The following HSPG2 variants were observed in gnomAD, a reference collection of about 807,000 sequenced individuals.
HSPG2 encodes heparan sulfate proteoglycan 2, also known as basement membrane-specific heparan sulfate proteoglycan core protein.
A neutral mutation model predicts 526.6 loss-of-function variants in HSPG2; 278 were observed. That is an observed-to-expected ratio of 0.53 (90% CI 0.48 to 0.58). The LOEUF (loss-of-function observed/expected upper bound fraction) is 0.58. Ranked by LOEUF, HSPG2 falls within the 20% of genes least tolerant of loss-of-function variation. The pLI is 0.00. For synonymous variants in HSPG2, 2,465 were observed against 2,555.4 expected, an observed-to-expected ratio of 0.96 and a Z score of 1.07; for missense variants, 5,354 against 6,099.5, an observed-to-expected ratio of 0.88 and a Z score of 4.07.
Position 21,859,738 on chromosome 1 carries a change from T to C in HSPG2, c.5183-62A>G. ...ACACTCTTTCTCACATCCAGCCCCA[T>C]GCACAAGGACAGCATCCCACTAGGG... On this transcript the variant is annotated intron_variant, in intron 41 of 96. Coordinates refer to ENST00000374695, the MANE Select transcript of HSPG2 (RefSeq NM_005529.7). This position sits in a 1 kb window ranked among gnomAD's most constrained non-coding sequence, Gnocchi z 5.3. The C allele has an allele frequency of 6.3e-7, 1 of 1,583,796 alleles. No individual in the cohort carries two copies. Among genetic ancestry groups the C allele is most frequent in the Non-Finnish European group, 8.6e-7 (1 of 1,163,104 alleles).
intron 83 of HSPG2, 62 bp from the exon 84 acceptor site, chr1:21,831,386 C>T (rs1359179094): frequency 2.5e-6 from 4 of 1,598,730 alleles, no homozygotes; most frequent in Admixed American, 3.3e-5. Context: ...CCCTGAGGTG[C>T]CCTCCCAGGC....
chr1:21,860,177 T>C lies in HSPG2; in HGVS notation c.5014A>G (p.Thr1672Ala). ...SVQGGQCLPE[T>A]NQAPLVVEVH... ...CATCCTGGGCCATGGTCCCACTTAC[T>C]CTCTGGCAGGCACTGGCCCCCTTGC... Residue 1672 changes from threonine (T) to alanine (A), a missense_variant and splice_region_variant, in exon 40 of 97, where the codon ACA becomes GCA. Transcript: ENST00000374695. 1 of 1,613,770 alleles carries C rather than the reference T, an allele frequency of 6.2e-7. No homozygotes were observed. The highest frequency in any genetic ancestry group is 8.5e-7 in the Non-Finnish European group (1 of 1,179,898).
chr1:21,916,065 G>GAAAAA (rs199842142), intron 1 of HSPG2, among the ~76,000 whole-genome samples: 2 of 81,632 alleles, frequency 2.5e-5, no homozygotes. Flanking sequence ...AAGAAAAGAA[G>GAAAAA]AAGAAGAAAA....
Position 21,895,947 on chromosome 1 carries a change from G to A in HSPG2, c.219C>T (p.Asp73=). 1.2e-6 allele frequency: 2 copies of A among 1,614,058 alleles called. No homozygotes were observed. The highest frequency in any genetic ancestry group is 8.5e-7 in the Non-Finnish European group (1 of 1,179,952). ...CCATCTGGAAGTCCCCGCTGCCCAG[G>A]TCCCCACTGCCCAGGTCGTCTATAA... ...SISGDDLGSG[D]LGSGDFQMVY... The change falls in exon 3 of 97, where the codon GAC becomes GAT. Residue 73 remains aspartate, a synonymous_variant. Coordinates refer to ENST00000374695, the MANE Select transcript of HSPG2 (RefSeq NM_005529.7). The surrounding 1 kb of genome is among the most constrained non-coding windows in gnomAD (Gnocchi z 4.1).
intron 37 of HSPG2, 107 bp downstream of exon 37, chr1:21,863,993 G>A: frequency 3.4e-6 from 3 of 888,678 alleles, no homozygotes; most frequent in South Asian, 1.4e-5. Flanking sequence ...CACAGGCCAT[G>A]CCCCATGATC....
At chr1:21,855,054 G>T in intron 47 of HSPG2, 71 bp from the exon 48 acceptor site, 10 of 1,571,538 alleles carry the variant, frequency 6.4e-6, no homozygotes, top group Non-Finnish European at 7.8e-6. Context: ...GACAGATAGG[G>T]CATAAAAGGG....
At chr1:21,931,289 C>T (rs758427022) in intron 1 of HSPG2, among the ~76,000 whole-genome samples, 5 of 152,248 alleles carry the variant, frequency 3.3e-5, no homozygotes, top group East Asian at 3.8e-4. Context: ...CGGCTCCCCG[C>T]GAAGTGAGTT....
intron 80 of HSPG2, 36 bp downstream of exon 80, chr1:21,833,232 G>T (rs2098012230): frequency 4.5e-6 from 7 of 1,569,128 alleles, no homozygotes. Context: ...CCTCAACCCA[G>T]GCCAGCCCAC....
chr1:21,833,307 A>T lies in HSPG2; in HGVS notation c.11056T>A (p.Phe3686Ile). ...LPTIKDAYRK[F>I]EIKITFRPDS... ...GGCCGGAAGGTGATCTTGATCTCGAACTTCCTGTAGGCATCCTTGATGGTG... is the reference window on the plus strand; with the variant it reads ...GGCCGGAAGGTGATCTTGATCTCGATCTTCCTGTAGGCATCCTTGATGGTG... Residue 3686 changes from phenylalanine (F) to isoleucine (I), a missense_variant, in exon 80 of 97, where the codon TTC becomes ATC. Phe to Ile is a conservative substitution (Grantham distance 21). Transcript: ENST00000374695. 6.2e-7 allele frequency: 1 copy of T among 1,614,112 alleles called. No individual in the cohort carries two copies. Among genetic ancestry groups the T allele is most frequent in the Non-Finnish European group, 8.5e-7 (1 of 1,180,012 alleles).
chr1:21,899,309 A>G (rs979655889), intron 1 of HSPG2, among the ~76,000 whole-genome samples: 10 of 152,222 alleles, frequency 6.6e-5, no homozygotes, highest in African/African-American at 2.2e-4. Flanking sequence ...AGGCTCCCAG[A>G]AAGAGCCAAA....
At chr1:21,830,229 G>A (rs538892470) in intron 85 of HSPG2, 138 bp from the exon 86 acceptor site, 177 of 717,476 alleles carry the variant, frequency 2.5e-4, no homozygotes, top group Admixed American at 2.7e-4. Context: ...AGGCCTTGGA[G>A]GAGGGAACTG....
intron 1 of HSPG2, among the ~76,000 whole-genome samples, chr1:21,933,675 A>G (rs1414372068): frequency 2.6e-5 from 4 of 152,220 alleles, no homozygotes; most frequent in Non-Finnish European, 5.9e-5. Context: ...GACAGGGGGA[A>G]ATGGGCCTAA....
intron 1 of HSPG2, among the ~76,000 whole-genome samples, chr1:21,914,581 T>C (rs567159822): frequency 1.3e-5 from 2 of 151,914 alleles, no homozygotes; most frequent in African/African-American, 4.8e-5. Context: ...AGCAGAAAGG[T>C]AGAAAAGCGC....
chr1:21,843,483 T>C, intron 65 of HSPG2, 45 bp from the exon 66 acceptor site: 1 of 1,584,960 alleles, frequency 6.3e-7, no homozygotes, highest in Non-Finnish European at 8.6e-7. Context: ...CTGGGAGCCT[T>C]CAGATGCCCA....
chr1:21,932,763 T>C lies in HSPG2; in HGVS notation c.63+4392A>G, dbSNP rs75650451. Among the ~76,000 whole-genome samples, 499 of 152,270 alleles carry C rather than the reference T, an allele frequency of 3.3e-3. 6 individuals carry two copies. Among genetic ancestry groups the C allele is most frequent in the African/African-American group, 0.012 (487 of 41,556 alleles). Reference sequence around the variant, plus strand: ...CCCTAAGGTGGGAGTGTGTTTCACATGCTCAAGAAACAAAGCCTTGGTCAG... The same window carrying C: ...CCCTAAGGTGGGAGTGTGTTTCACACGCTCAAGAAACAAAGCCTTGGTCAG... On this transcript the variant is annotated intron_variant, in intron 1 of 96. Coordinates refer to ENST00000374695, the MANE Select transcript of HSPG2 (RefSeq NM_005529.7).
Position 21,854,682 on chromosome 1 carries a change from C to T in HSPG2, c.6217G>A (p.Val2073Met), listed in dbSNP as rs1487064209. 6.2e-7 allele frequency: 1 copy of T among 1,609,972 alleles called. No homozygotes were observed. Among genetic ancestry groups the T allele is most frequent in the Non-Finnish European group, 8.5e-7 (1 of 1,178,200 alleles). ...TEGQTLDLNC[V>M]VAGSAHAQVT... ...TGGGCATGGGCTGACCCTGCCACCA[C>T]ACAGTTGAGGTCGAGTGTTTGCCCT... Residue 2073 changes from valine to methionine, a missense_variant, in exon 49 of 97, where the codon GTG (valine) becomes ATG (methionine). By Grantham distance (21) the Val-to-Met change is conservative. Transcript: ENST00000374695.
chr1:21,931,478 A>G (rs1644348936), intron 1 of HSPG2, among the ~76,000 whole-genome samples: 1 of 152,152 alleles, frequency 6.6e-6, no homozygotes, highest in South Asian at 2.1e-4. Context: ...CGAGAGGAGA[A>G]AAAGGCCAGG....
chr1:21,883,632 T>C (rs1255641313), intron 13 of HSPG2, among the ~76,000 whole-genome samples: 1 of 152,192 alleles, frequency 6.6e-6, no homozygotes, highest in African/African-American at 2.4e-5. Flanking sequence ...GCCAGGTAAC[T>C]AAGTTTTATA....
At chr1:21,892,271 C>G (rs1411480499) in intron 3 of HSPG2, among the ~76,000 whole-genome samples, 1 of 152,274 alleles carries the variant, frequency 6.6e-6, no homozygotes. Flanking sequence ...CCACAGAGGC[C>G]CCTTGTGAGC....
Sources: gnomAD v4.1 joint callset for allele counts (sites outside exome capture counted in the v4.1 genomes callset) on GRCh38, gnomAD v4.1.1 for gene constraint, Gnocchi (gnomAD v3.1) non-coding constraint, MANE v1.5 for transcripts, NCBI Gene and HGNC (gene_info 2026-07-23, HGNC 2026-07-21) for gene names.